The following SACS variants were observed in gnomAD, a reference collection of about 807,000 sequenced individuals.
SACS encodes the protein sacsin molecular chaperone.
Under a neutral mutation model 348.0 loss-of-function variants are expected in SACS, and 197 were observed. That is an observed-to-expected ratio of 0.57 (90% CI 0.50 to 0.64). The LOEUF (loss-of-function observed/expected upper bound fraction) is 0.64. Among genes scored for constraint, SACS ranks in the 30% least tolerant of loss-of-function variants. The probability of loss-of-function intolerance (pLI) is 0.00; values close to 1 mark genes in which losing one functional copy is unlikely to be tolerated. For missense variants in SACS, 4,999 were observed against 5,360.8 expected, an observed-to-expected ratio of 0.93 and a Z score of 2.11; for synonymous variants, 1,985 against 1,910.6, an observed-to-expected ratio of 1.04 and a Z score of -1.02.
At chr13:23,414,333 C>T (rs1381562901) in intron 1 of SACS, among the ~76,000 whole-genome samples, 3 of 152,154 alleles carry the variant, frequency 2.0e-5, no homozygotes, top group Admixed American at 2.0e-4. Flanking sequence ...AATATAAACA[C>T]GTTTATATGA....
At position 23,336,019 on chromosome 13, in the gene SACS, A is replaced by G. The variant is rs886050081; in HGVS notation, c.7857T>C (p.Thr2619=). 1.2e-6 allele frequency: 2 copies of G among 1,612,680 alleles called. No individual in the cohort carries two copies. The highest frequency in any genetic ancestry group is 2.2e-5 in the East Asian group (1 of 44,836). The change falls in exon 10 of 10, where the codon ACT becomes ACC. Residue 2619 remains threonine (T), a synonymous_variant. Coordinates refer to ENST00000382292, the MANE Select transcript of SACS (RefSeq NM_014363.6). ...AATTGAATCCTATTCCATACTGTCC[A>G]GTTTTATAAGGATTTCCCTCTTTCG... The part of the protein sequence containing the change: ...KGTKEGNPYK[T]GQYGIGFNSV...
At chr13:23,382,480 T>A (rs1025121756) in intron 2 of SACS, among the ~76,000 whole-genome samples, 12 of 152,230 alleles carry the variant, frequency 7.9e-5, no homozygotes, top group Non-Finnish European at 1.6e-4. Flanking sequence ...TTGATAGAGA[T>A]GCATTGGATA....
chr13:23,396,302 C>T (rs958872434), intron 2 of SACS, among the ~76,000 whole-genome samples: 2 of 144,268 alleles, frequency 1.4e-5, no homozygotes, highest in South Asian at 2.2e-4. Context: ...CCAGCCTGGG[C>T]GACAGAGCCA....
At position 23,336,511 on chromosome 13, in the gene SACS, A is replaced by G. The variant is rs773649898; in HGVS notation, c.7365T>C (p.Asp2455=). 17 of 1,613,898 alleles carry G rather than the reference A, an allele frequency of 1.1e-5. No individual in the cohort carries two copies. The highest frequency in any genetic ancestry group is 2.5e-6 in the Non-Finnish European group (3 of 1,179,916). Residue 2455 remains aspartate, a synonymous_variant, in exon 10 of 10, where the codon GAT becomes GAC. Transcript: ENST00000382292. The stretch of plus-strand genomic sequence containing the variant: ...TAGCAGGGAGAAGCATAAGATTAGT[A>G]TCTGGCAATAATATCTTGCCATAAT... ...EKNYGKILLP[D]TNLMLLPAKS...
At chr13:23,429,077 T>C (rs974569620) in intron 1 of SACS, among the ~76,000 whole-genome samples, 1 of 152,110 alleles carries the variant, frequency 6.6e-6, no homozygotes, top group African/African-American at 2.4e-5. Context: ...AAAAATAATA[T>C]CACATATGAG....
chr13:23,377,907 T>C (rs1593163182), intron 2 of SACS, among the ~76,000 whole-genome samples: 1 of 152,344 alleles, frequency 6.6e-6, no homozygotes, highest in Middle Eastern at 3.4e-3. Context: ...GATATCCCAG[T>C]GGTCCAGATG....
At position 23,338,164 on chromosome 13, in the gene SACS, T is replaced by G. The variant is rs748447753; in HGVS notation, c.5712A>C (p.Thr1904=). ...SNRKEIWKTD[T]KGRWNTTFMR... The stretch of plus-strand genomic sequence containing the variant: ...TGAACGTGGTATTCCATCGTCCTTT[T>G]GTATCTGTTTTCCAGATTTCTTTCC... The change falls in exon 10 of 10, where the codon ACA becomes ACC. Residue 1904 remains threonine, a synonymous_variant. Coordinates refer to ENST00000382292, the MANE Select transcript of SACS (RefSeq NM_014363.6). 2 of 1,614,160 alleles carry G rather than the reference T, an allele frequency of 1.2e-6. No homozygotes were observed. The highest frequency in any genetic ancestry group is 1.7e-6 in the Non-Finnish European group (2 of 1,179,998).
intron 2 of SACS, among the ~76,000 whole-genome samples, chr13:23,399,021 A>AAAAAAAAAAAAAC (rs1320695287): frequency 6.9e-6 from 1 of 144,454 alleles, no homozygotes; most frequent in African/African-American, 2.7e-5. Flanking sequence ...CTCCATCTCA[A>AAAAAAAAAAAAAC]AAAAAAAAAA....
At chr13:23,364,216 T>C (rs954245189) in intron 6 of SACS, among the ~76,000 whole-genome samples, 1 of 152,226 alleles carries the variant, frequency 6.6e-6, no homozygotes, top group African/African-American at 2.4e-5. Flanking sequence ...TTTTTAAAAA[T>C]ACATGACTTA....
At chr13:23,380,965 T>C (rs1872028687) in intron 2 of SACS, among the ~76,000 whole-genome samples, 1 of 152,240 alleles carries the variant, frequency 6.6e-6, no homozygotes, top group South Asian at 2.1e-4. Context: ...ACAGTACTCA[T>C]TTTAACTCAT....
chr13:23,351,747 G>T (rs1384094164), intron 9 of SACS, among the ~76,000 whole-genome samples: 1 of 152,042 alleles, frequency 6.6e-6, no homozygotes, highest in Non-Finnish European at 1.5e-5. Flanking sequence ...TCTAGATAAA[G>T]AAAAGTGACC....
intron 1 of SACS, among the ~76,000 whole-genome samples, chr13:23,419,758 CG>C (rs967340168): frequency 2.0e-5 from 3 of 152,114 alleles, no homozygotes; most frequent in African/African-American, 7.2e-5. Context: ...CATTCTGTTG[CG>C]AGTTCCTTAT....
chr13:23,338,259 A>G lies in SACS; in HGVS notation c.5617T>C (p.Tyr1873His). Residue 1873 changes from tyrosine to histidine, a missense_variant, in exon 10 of 10, where the codon TAT becomes CAT. Physicochemically the swap from Tyr to His is moderately conservative, Grantham distance 83. Around this residue, in one of 6 missense-constraint regions of SACS, gnomAD observed 3,156 missense variants for 3,380.1 expected, o/e 0.93. Transcript: ENST00000382292. ...VKPHIGEVFC[Y>H]LPLRIKTGLP... ...CCTGTTTTTATTCGTAAAGGTAAAT[A>G]GCAAAACACCTCTCCAATGTGTGGT... 6.2e-7 allele frequency: 1 copy of G among 1,614,150 alleles called. No homozygotes were observed. The highest frequency in any genetic ancestry group is 1.3e-5 in the African/African-American group (1 of 75,048).
chr13:23,355,505 G>A lies in SACS; in HGVS notation c.1107C>T (p.Thr369=), dbSNP rs762838789. 2 of 1,614,112 alleles carry A rather than the reference G, an allele frequency of 1.2e-6. No individual in the cohort carries two copies. Among genetic ancestry groups the A allele is most frequent in the Admixed American group, 1.7e-5 (1 of 59,996 alleles). Residue 369 remains threonine, a synonymous_variant, in exon 8 of 10, where the codon ACC becomes ACT. Coordinates refer to ENST00000382292, the MANE Select transcript of SACS (RefSeq NM_014363.6). ...YCKKTPSNNI[T]CVTYHVNIVL... is the part of the protein sequence containing the mutation. ...CAATATTTACGTGATATGTTACACA[G>A]GTGATGTTATTGCTTGGAGTCTTTT...
intron 9 of SACS, among the ~76,000 whole-genome samples, chr13:23,352,952 T>TA (rs1201468999): frequency 1.3e-5 from 2 of 152,176 alleles, no homozygotes; most frequent in African/African-American, 4.8e-5. Context: ...CCTAAGCCAT[T>TA]ATCCTGGACA....
intron 9 of SACS, among the ~76,000 whole-genome samples, chr13:23,342,299 C>G (rs887117429): frequency 6.6e-6 from 1 of 152,100 alleles, no homozygotes; most frequent in African/African-American, 2.4e-5. Flanking sequence ...CTATAATGTT[C>G]TGCAAATGAA....
At chr13:23,422,365 C>T (rs1430862174) in intron 1 of SACS, among the ~76,000 whole-genome samples, 3 of 152,180 alleles carry the variant, frequency 2.0e-5, no homozygotes, top group African/African-American at 7.2e-5. Context: ...CACATTTTAT[C>T]GTTTTATACA....
At chr13:23,359,237 G>A (rs761948148) in intron 6 of SACS, among the ~76,000 whole-genome samples, 6 of 152,072 alleles carry the variant, frequency 3.9e-5, no homozygotes, top group Non-Finnish European at 5.9e-5. Flanking sequence ...AAGAAACTAT[G>A]TGAGATGATA....
chr13:23,366,966 A>G (rs977584846), intron 5 of SACS, among the ~76,000 whole-genome samples: 2 of 152,198 alleles, frequency 1.3e-5, no homozygotes, highest in African/African-American at 4.8e-5. Context: ...AGGAACAAAG[A>G]TTACATTGAA....
Sources: gnomAD v4.1 joint callset for allele counts (sites outside exome capture counted in the v4.1 genomes callset) on GRCh38, gnomAD v4.1.1 for gene constraint, gnomAD v4.1.1 regional missense constraint, MANE v1.5 for transcripts, NCBI Gene and HGNC (gene_info 2026-07-23, HGNC 2026-07-21) for gene names.